GRIA1: variants seen among roughly 807,000 people sequenced by gnomAD.
The protein encoded by GRIA1 is glutamate receptor 1.
GRIA1 carries 31 observed loss-of-function variants against 99.2 expected under a neutral mutation model. The ratio of observed to expected loss-of-function variants is 0.31; its 90% CI spans 0.23 to 0.42. The LOEUF (loss-of-function observed/expected upper bound fraction) is 0.42. Ranked by LOEUF, GRIA1 falls within the 10% of genes least tolerant of loss-of-function variation. The probability of loss-of-function intolerance (pLI) is 1.00; values close to 1 mark genes in which losing one functional copy is unlikely to be tolerated. For missense variants in GRIA1, 782 were observed against 1,157.5 expected (o/e 0.68, Z 4.71); for synonymous variants, 438 against 432.4 (o/e 1.01, Z -0.16).
intron 2 of GRIA1, among the ~76,000 whole-genome samples, chr5:153,496,163 TATCTC>T (rs1754402289): frequency 1.3e-5 from 2 of 152,216 alleles, no homozygotes; most frequent in African/African-American, 4.8e-5. Context: ...TCTGTCTTGT[TATCTC>T]AGCAACCTAA....
chr5:153,507,392 TC>T (rs1561594699), intron 2 of GRIA1, among the ~76,000 whole-genome samples: 1 of 152,094 alleles, frequency 6.6e-6, no homozygotes, highest in Non-Finnish European at 1.5e-5. Flanking sequence ...CTCCTTCTGC[TC>T]CTTTTTTCTC....
At chr5:153,528,111 T>C (rs1328996908) in intron 2 of GRIA1, among the ~76,000 whole-genome samples, 1 of 152,138 alleles carries the variant, frequency 6.6e-6, no homozygotes, top group East Asian at 1.9e-4. Context: ...TATGTTATTA[T>C]TGAATATTTT....
intron 15 of GRIA1, among the ~76,000 whole-genome samples, chr5:153,803,105 C>T (rs1766166559): frequency 6.6e-6 from 1 of 152,156 alleles, no homozygotes; most frequent in African/African-American, 2.4e-5. Context: ...CAGGCTAGTT[C>T]TATGGAGTCC....
intron 2 of GRIA1, among the ~76,000 whole-genome samples, chr5:153,642,972 A>G (rs538076167): frequency 1.1e-4 from 17 of 152,308 alleles, no homozygotes; most frequent in African/African-American, 3.8e-4. Context: ...AAATCTGTTC[A>G]GGAAAGTGAG....
At chr5:153,566,700 C>T (rs557565232) in intron 2 of GRIA1, among the ~76,000 whole-genome samples, 1 of 145,080 alleles carries the variant, frequency 6.9e-6, no homozygotes, top group African/African-American at 2.5e-5. Flanking sequence ...ATCAGATATA[C>T]ATTTGCAAAT....
intron 7 of GRIA1, among the ~76,000 whole-genome samples, chr5:153,685,017 T>C (rs1757247193): frequency 6.6e-6 from 1 of 152,148 alleles, no homozygotes; most frequent in Non-Finnish European, 1.5e-5. Flanking sequence ...CCCCCAACTC[T>C]TCTTATACGT....
chr5:153,504,820 T>A (rs555685247), intron 2 of GRIA1, among the ~76,000 whole-genome samples: 1 of 152,286 alleles, frequency 6.6e-6, no homozygotes, highest in South Asian at 2.1e-4. Flanking sequence ...TGTAAAATGT[T>A]TGGTGATCCT....
chr5:153,562,620 T>C (rs1761230826), intron 2 of GRIA1, among the ~76,000 whole-genome samples: 1 of 152,198 alleles, frequency 6.6e-6, no homozygotes, highest in African/African-American at 2.4e-5. Context: ...GACTGTGCGA[T>C]TACTGAAGGC....
intron 10 of GRIA1, among the ~76,000 whole-genome samples, chr5:153,704,705 T>C (rs1758769101): frequency 6.6e-6 from 1 of 152,188 alleles, no homozygotes; most frequent in African/African-American, 2.4e-5. Flanking sequence ...GAGCAACCTG[T>C]CAAAGTCCTA....
intron 13 of GRIA1, among the ~76,000 whole-genome samples, chr5:153,788,713 A>G (rs1765124014): frequency 6.6e-6 from 1 of 152,172 alleles, no homozygotes; most frequent in Non-Finnish European, 1.5e-5. Context: ...TAGGGCATGA[A>G]CCATGTTTGT....
At chr5:153,735,491 C>T (rs915584900) in intron 11 of GRIA1, among the ~76,000 whole-genome samples, 1 of 152,132 alleles carries the variant, frequency 6.6e-6, no homozygotes, top group Non-Finnish European at 1.5e-5. Flanking sequence ...ATGCAAATAA[C>T]CAATTAGGTC....
chr5:153,652,306 C>T (rs368496317), intron 4 of GRIA1, among the ~76,000 whole-genome samples: 1 of 152,132 alleles, frequency 6.6e-6, no homozygotes, highest in East Asian at 1.9e-4. Context: ...GTATATTGTT[C>T]TATGGTACAG....
intron 11 of GRIA1, among the ~76,000 whole-genome samples, chr5:153,724,225 C>CCA (rs1396726113): frequency 6.6e-6 from 1 of 152,018 alleles, no homozygotes; most frequent in Non-Finnish European, 1.5e-5. Flanking sequence ...GAAAGGACAT[C>CCA]CACACCAAAA....
intron 2 of GRIA1, among the ~76,000 whole-genome samples, chr5:153,640,190 C>T (rs1022476777): frequency 6.6e-6 from 1 of 152,208 alleles, no homozygotes; most frequent in Admixed American, 6.5e-5. Context: ...TGCAGTACCA[C>T]ATCTCATTGG....
intron 2 of GRIA1, among the ~76,000 whole-genome samples, chr5:153,636,248 A>G (rs1358526987): frequency 6.6e-6 from 1 of 152,202 alleles, no homozygotes; most frequent in African/African-American, 2.4e-5. Context: ...TACCTTATTG[A>G]GTATTCACAA....
chr5:153,784,750 C>G (rs1764866968), intron 13 of GRIA1, among the ~76,000 whole-genome samples: 1 of 152,184 alleles, frequency 6.6e-6, no homozygotes, highest in Non-Finnish European at 1.5e-5. Flanking sequence ...TCTGAGTTGT[C>G]TGCCCAGTCA....
At chr5:153,535,783 C>T (rs2113459887) in intron 2 of GRIA1, among the ~76,000 whole-genome samples, 1 of 152,246 alleles carries the variant, frequency 6.6e-6, no homozygotes, top group East Asian at 1.9e-4. Flanking sequence ...TGCCACAATC[C>T]ACCTAATCAC....
chr5:153,649,429 T>TTATA (rs1754382731), intron 3 of GRIA1, among the ~76,000 whole-genome samples: 1 of 106,642 alleles, frequency 9.4e-6, no homozygotes, highest in African/African-American at 3.0e-5. Flanking sequence ...AGGACACATT[T>TTATA]TATTTATTTA....
At chr5:153,674,286 G>A (rs1756408528) in intron 5 of GRIA1, among the ~76,000 whole-genome samples, 1 of 152,214 alleles carries the variant, frequency 6.6e-6, no homozygotes, top group African/African-American at 2.4e-5. Context: ...AGCAGCGCCA[G>A]CACTCCAAAC....
Sources: allele counts gnomAD v4.1 joint callset (sites outside exome capture counted in the v4.1 genomes callset), GRCh38; gene constraint gnomAD v4.1.1; transcripts MANE v1.5; gene names NCBI Gene and HGNC (gene_info 2026-07-23, HGNC 2026-07-21).